The following CCDC6 variants were observed in gnomAD, a reference collection of about 807,000 sequenced individuals.
The protein encoded by CCDC6 is coiled-coil domain-containing protein 6.
A neutral mutation model predicts 56.6 loss-of-function variants in CCDC6; 20 were observed. That is an observed-to-expected ratio of 0.35 (90% CI 0.25 to 0.51). CCDC6 has a LOEUF of 0.51. Among genes scored for constraint, CCDC6 ranks in the 20% least tolerant of loss-of-function variants. The pLI is 0.95. For synonymous variants in CCDC6, 241 were observed against 234.4 expected, an observed-to-expected ratio of 1.03 and a Z score of -0.26; for missense variants, 367 against 601.1, an observed-to-expected ratio of 0.61 and a Z score of 4.07.
intron 5 of CCDC6, 124 bp downstream of exon 5, chr10:59,812,511 G>A: frequency 3.3e-6 from 2 of 601,614 alleles, no homozygotes. Flanking sequence ...AAGTAAACAT[G>A]CATCAGTAAT....
At chr10:59,822,645 A>C (rs2070757617) in intron 3 of CCDC6, among the ~76,000 whole-genome samples, 1 of 152,142 alleles carries the variant, frequency 6.6e-6, no homozygotes, top group Admixed American at 6.5e-5. Flanking sequence ...CTGTAATCCC[A>C]GCTACTTGGG....
intron 1 of CCDC6, among the ~76,000 whole-genome samples, chr10:59,890,152 C>A (rs1456011696): frequency 6.6e-6 from 1 of 152,084 alleles, no homozygotes; most frequent in Non-Finnish European, 1.5e-5. Flanking sequence ...CATAGATAGG[C>A]CCAGTTCTCC....
chr10:59,886,503 C>T, intron 1 of CCDC6, among the ~76,000 whole-genome samples: 1 of 152,212 alleles, frequency 6.6e-6, no homozygotes, highest in East Asian at 1.9e-4. Context: ...TCTTCTGAAT[C>T]TGTCTTAAAT....
intron 1 of CCDC6, among the ~76,000 whole-genome samples, chr10:59,898,023 G>A (rs1377502984): frequency 3.3e-5 from 5 of 152,296 alleles, no homozygotes; most frequent in South Asian, 4.1e-4. Flanking sequence ...TGGAAGATTA[G>A]CCCATCAATC....
intron 1 of CCDC6, among the ~76,000 whole-genome samples, chr10:59,887,382 A>G (rs1012251025): frequency 3.9e-5 from 6 of 152,082 alleles, no homozygotes; most frequent in African/African-American, 1.4e-4. Context: ...AAAATGACCT[A>G]CGTTCAAGGT....
chr10:59,887,613 T>G (rs527832934), intron 1 of CCDC6, among the ~76,000 whole-genome samples: 1 of 152,262 alleles, frequency 6.6e-6, no homozygotes, highest in South Asian at 2.1e-4. Flanking sequence ...GTGATGTCCT[T>G]CCTAGTCAAA....
chr10:59,817,911 C>T (rs573586339), intron 3 of CCDC6, among the ~76,000 whole-genome samples: 6 of 152,130 alleles, frequency 3.9e-5, no homozygotes, highest in East Asian at 1.9e-4. Flanking sequence ...TTCCGTCACA[C>T]GCATTTAGAG....
At chr10:59,821,855 C>T (rs564375475) in intron 3 of CCDC6, among the ~76,000 whole-genome samples, 5 of 152,136 alleles carry the variant, frequency 3.3e-5, no homozygotes, top group East Asian at 1.9e-4. Flanking sequence ...AAAGTTATGC[C>T]GTTGATAATT....
intron 1 of CCDC6, among the ~76,000 whole-genome samples, chr10:59,878,088 TAGAC>T (rs1381690737): frequency 3.3e-5 from 5 of 152,168 alleles, no homozygotes; most frequent in Non-Finnish European, 5.9e-5. Flanking sequence ...TAGACAAAAT[TAGAC>T]AGTACCTCAG....
At position 59,794,385 on chromosome 10, in the gene CCDC6, G is replaced by A. The variant is rs1156937063; in HGVS notation, c.1230+88C>T. 8.7e-6 allele frequency: 12 copies of A among 1,375,352 alleles called. 1 individual carries two copies. The Admixed American group carries it at 1.1e-4, about 12-fold the overall frequency. 85.2% of individuals were successfully genotyped at this position (1,375,352 alleles called of 1,614,324 possible). A position where few individuals can be genotyped will look rare whatever the true frequency, so the allele number is the denominator to read the frequency against. On this transcript the variant is annotated intron_variant, in intron 8 of 8. Coordinates refer to ENST00000263102, the MANE Select transcript of CCDC6 (RefSeq NM_005436.5). ...GGAGGAGGCAGGAAGAAGGGCAAATGTCTAAGGGCACCGATCCTGTTCTCC... is the reference window on the plus strand; with the variant it reads ...GGAGGAGGCAGGAAGAAGGGCAAATATCTAAGGGCACCGATCCTGTTCTCC...
At chr10:59,819,071 T>G (rs2070731634) in intron 3 of CCDC6, among the ~76,000 whole-genome samples, 1 of 152,198 alleles carries the variant, frequency 6.6e-6, no homozygotes, top group African/African-American at 2.4e-5. Context: ...AACTCATATT[T>G]GTTTCAATAT....
At chr10:59,794,722 T>C in intron 7 of CCDC6, 125 bp from the exon 8 acceptor site, 1 of 727,510 alleles carries the variant, frequency 1.4e-6, no homozygotes, top group African/African-American at 1.8e-5. Flanking sequence ...ATGAAAAGAA[T>C]GATGGGCTCA....
chr10:59,859,011 T>C (rs1239865264), intron 1 of CCDC6, among the ~76,000 whole-genome samples: 1 of 151,962 alleles, frequency 6.6e-6, no homozygotes, highest in East Asian at 1.9e-4. Context: ...TCCTCTAAAG[T>C]GAAAATAAGG....
chr10:59,812,074 A>C (rs1160563776), intron 5 of CCDC6, among the ~76,000 whole-genome samples: 2 of 151,364 alleles, frequency 1.3e-5, no homozygotes, highest in Non-Finnish European at 2.9e-5. Flanking sequence ...AAAAAAAAAA[A>C]AAAAAAAACC....
At chr10:59,902,304 T>A (rs2071509171) in intron 1 of CCDC6, among the ~76,000 whole-genome samples, 1 of 151,584 alleles carries the variant, frequency 6.6e-6, no homozygotes, top group African/African-American at 2.4e-5. Flanking sequence ...AAAAAGGGCA[T>A]AACAGAGATA....
chr10:59,885,250 A>G (rs2071373800), intron 1 of CCDC6, among the ~76,000 whole-genome samples: 1 of 152,176 alleles, frequency 6.6e-6, no homozygotes, highest in Non-Finnish European at 1.5e-5. Flanking sequence ...CAGCCATGTC[A>G]GGAGGTTTGC....
intron 1 of CCDC6, among the ~76,000 whole-genome samples, chr10:59,854,164 A>T (rs1273482149): frequency 6.6e-6 from 1 of 152,140 alleles, no homozygotes; most frequent in Non-Finnish European, 1.5e-5. Flanking sequence ...CACATTAAAC[A>T]ATTACCACCT....
At chr10:59,859,665 A>C (rs1156679021) in intron 1 of CCDC6, among the ~76,000 whole-genome samples, 1 of 152,230 alleles carries the variant, frequency 6.6e-6, no homozygotes, top group Non-Finnish European at 1.5e-5. Flanking sequence ...TTATCAAAGC[A>C]CATAGGAAGG....
chr10:59,793,830 G>A (rs2070489425), intron 8 of CCDC6, among the ~76,000 whole-genome samples: 1 of 151,526 alleles, frequency 6.6e-6, no homozygotes, highest in Non-Finnish European at 1.5e-5. Context: ...TGGCCAAACA[G>A]CTTCAGAAAT....
Sources: gnomAD v4.1 joint callset for allele counts (sites outside exome capture counted in the v4.1 genomes callset) on GRCh38, gnomAD v4.1.1 for gene constraint, MANE v1.5 for transcripts, NCBI Gene and HGNC (gene_info 2026-07-23, HGNC 2026-07-21) for gene names.